The following GPHN variants were observed in gnomAD, a reference collection of about 807,000 sequenced individuals.
The protein encoded by GPHN is gephyrin.
In GPHN, 17 loss-of-function variants were observed where a neutral mutation model predicts 95.5. The ratio of observed to expected loss-of-function variants is 0.18; its 90% CI spans 0.12 to 0.27. The LOEUF is 0.27. GPHN is among the 10% of genes least tolerant of loss of function. The pLI, the probability that GPHN is intolerant of heterozygous loss-of-function variation, is 1.00. For missense variants in GPHN, 660 were observed against 978.1 expected (o/e 0.67, Z 4.34); for synonymous variants, 320 against 322.5 (o/e 0.99, Z 0.08).
intron 8 of GPHN, among the ~76,000 whole-genome samples, chr14:66,932,463 T>G (rs1245502613): frequency 1.8e-4 from 24 of 133,664 alleles, no homozygotes; most frequent in Non-Finnish European, 2.4e-4. Context: ...TTTTTTTTTT[T>G]TTTTTTTTTT....
At chr14:67,353,513 A>C in the GPHN span, among the ~76,000 whole-genome samples, 2 of 151,888 alleles carry the variant, frequency 1.3e-5, no homozygotes, top group African/African-American at 4.8e-5. Context: ...TTTGAGATGG[A>C]GTCTCACTGT....
chr14:66,701,084 C>A (rs1016148672), intron 2 of GPHN, among the ~76,000 whole-genome samples: 9 of 152,188 alleles, frequency 5.9e-5, no homozygotes, highest in Admixed American at 5.9e-4. Context: ...ACCTCTGTTA[C>A]AGAGGTTATC....
chr14:66,589,410 TA>T (rs1482294861), intron 1 of GPHN, among the ~76,000 whole-genome samples: 2 of 152,034 alleles, frequency 1.3e-5, no homozygotes, highest in African/African-American at 4.8e-5. Flanking sequence ...GTAAACAGGC[TA>T]AATGCCCCAA....
At chr14:67,698,374 G>A in the GPHN span, among the ~76,000 whole-genome samples, 1 of 152,184 alleles carries the variant, frequency 6.6e-6, no homozygotes, top group African/African-American at 2.4e-5. Flanking sequence ...GCTGAGGTGG[G>A]AGGATTGTTT....
chr14:67,229,647 T>A, the GPHN span, among the ~76,000 whole-genome samples: 1 of 152,168 alleles, frequency 6.6e-6, no homozygotes, highest in Non-Finnish European at 1.5e-5. Flanking sequence ...GATTTGGAAG[T>A]CTTTGAGAAA....
At chr14:67,411,361 C>G in the GPHN span, among the ~76,000 whole-genome samples, 2 of 152,028 alleles carry the variant, frequency 1.3e-5, no homozygotes, top group African/African-American at 4.8e-5. Context: ...GAGCTCTGGG[C>G]AAGCTACTTC....
At chr14:67,385,432 C>G in the GPHN span, 2 of 133,468 alleles carry the variant, frequency 1.5e-5, no homozygotes, top group African/African-American at 6.8e-5. Context: ...AGGGCAAGAC[C>G]CTGTCTCAAA....
downstream of GPHN, among the ~76,000 whole-genome samples, chr14:67,182,043 G>C (rs566118474): frequency 6.6e-6 from 1 of 152,124 alleles, no homozygotes; most frequent in South Asian, 2.1e-4. Context: ...CGTCTTTCCA[G>C]TCATAGCTGG....
chr14:66,959,747 C>T (rs1306946584), intron 8 of GPHN, among the ~76,000 whole-genome samples: 1 of 151,818 alleles, frequency 6.6e-6, no homozygotes, highest in Admixed American at 6.6e-5. Context: ...GATTGTTGAA[C>T]TTCTTGTGTG....
intron 1 of GPHN, among the ~76,000 whole-genome samples, chr14:66,679,605 T>C (rs2066821116): frequency 6.6e-6 from 1 of 152,202 alleles, no homozygotes. Flanking sequence ...TTCCCACATA[T>C]CTCTTATGCT....
At chr14:67,151,206 C>A (rs538354978) in intron 18 of GPHN, among the ~76,000 whole-genome samples, 1 of 152,282 alleles carries the variant, frequency 6.6e-6, no homozygotes, top group South Asian at 2.1e-4. Context: ...AACACAATAG[C>A]TTCAGTTCTA....
chr14:66,520,083 T>TA (rs2139798605), intron 1 of GPHN, among the ~76,000 whole-genome samples: 1 of 152,308 alleles, frequency 6.6e-6, no homozygotes, highest in South Asian at 2.1e-4. Flanking sequence ...TAATGGGTCT[T>TA]ACTGCATTGT....
chr14:67,509,946 G>C, the GPHN span, among the ~76,000 whole-genome samples: 2 of 152,116 alleles, frequency 1.3e-5, no homozygotes, highest in African/African-American at 2.4e-5. Context: ...GGAGTTCAAG[G>C]CTGCAGTGAG....
At chr14:66,824,232 T>C (rs2061313365) in intron 3 of GPHN, among the ~76,000 whole-genome samples, 1 of 152,186 alleles carries the variant, frequency 6.6e-6, no homozygotes, top group Non-Finnish European at 1.5e-5. Flanking sequence ...TATGTTTTAT[T>C]TACTTTCAAG....
the GPHN span, chr14:67,350,563 C>T: frequency 6.7e-7 from 1 of 1,496,986 alleles, no homozygotes; most frequent in African/African-American, 1.4e-5. Context: ...AATTATGAGA[C>T]TGAAATCACT....
At chr14:66,851,359 A>T (rs2062575865) in intron 4 of GPHN, among the ~76,000 whole-genome samples, 1 of 151,160 alleles carries the variant, frequency 6.6e-6, no homozygotes, top group African/African-American at 2.4e-5. Context: ...TTTTTTTTTC[A>T]AAGACAGGAG....
chr14:67,639,924 C>CA, the GPHN span, among the ~76,000 whole-genome samples: 11,869 of 61,640 alleles, frequency 0.19, 1,489 homozygotes, highest in African/African-American at 0.28. Flanking sequence ...GACCCTGTCT[C>CA]AAAAAAAAAA....
the GPHN span, among the ~76,000 whole-genome samples, chr14:67,661,536 T>C: frequency 6.8e-6 from 1 of 146,844 alleles, no homozygotes; most frequent in Non-Finnish European, 1.5e-5. Context: ...AACCTTTTTT[T>C]TTTTTTTTTT....
intron 1 of GPHN, among the ~76,000 whole-genome samples, chr14:66,615,003 A>G (rs979472216): frequency 2.6e-5 from 4 of 152,136 alleles, no homozygotes; most frequent in Non-Finnish European, 5.9e-5. Context: ...GCTGATAATT[A>G]TGGCTTCCAG....
Sources: gnomAD v4.1 joint callset for allele counts (sites outside exome capture counted in the v4.1 genomes callset) on GRCh38, gnomAD v4.1.1 for gene constraint, MANE v1.5 for transcripts, NCBI Gene and HGNC (gene_info 2026-07-23, HGNC 2026-07-21) for gene names.